RPTOR: variants seen among roughly 807,000 people sequenced by gnomAD.
RPTOR encodes regulatory-associated protein of mTOR.
In RPTOR, 21 loss-of-function variants were observed where a neutral mutation model predicts 169.9. The observed-to-expected ratio is 0.12, with a 90% confidence interval of 0.09 to 0.18. The LOEUF (loss-of-function observed/expected upper bound fraction) is 0.18, where lower values mean the gene tolerates loss of function less well. RPTOR is among the 10% of genes least tolerant of loss of function. The probability of loss-of-function intolerance (pLI) is 1.00; values close to 1 mark genes in which losing one functional copy is unlikely to be tolerated. For synonymous variants in RPTOR, 732 were observed against 753.2 expected (o/e 0.97, Z 0.46); for missense variants, 1,133 against 1,855.9 (o/e 0.61, Z 7.16).
At chr17:80,631,449 A>G (rs1379180131) in intron 2 of RPTOR, among the ~76,000 whole-genome samples, 1 of 152,020 alleles carries the variant, frequency 6.6e-6, no homozygotes, top group Non-Finnish European at 1.5e-5. Flanking sequence ...AGGACACATT[A>G]CCATCTTAGC....
At chr17:80,733,315 G>A (rs2066407429) in intron 5 of RPTOR, among the ~76,000 whole-genome samples, 2 of 152,088 alleles carry the variant, frequency 1.3e-5, no homozygotes, top group South Asian at 2.1e-4. Flanking sequence ...AAAAATTAAG[G>A]ATAATATTCA....
intron 8 of RPTOR, among the ~76,000 whole-genome samples, 196 bp downstream of exon 8, chr17:80,822,497 C>T: frequency 6.6e-6 from 1 of 152,338 alleles, no homozygotes; most frequent in South Asian, 2.1e-4. Context: ...ACGCCAGGTT[C>T]TCAGAACGGT....
chr17:80,880,568 C>T, intron 14 of RPTOR, 79 bp downstream of exon 14: 1 of 1,354,418 alleles, frequency 7.4e-7, no homozygotes, highest in Non-Finnish European at 1.1e-6. Flanking sequence ...TGCGGTGGGG[C>T]CTTTTGACGG....
intron 3 of RPTOR, among the ~76,000 whole-genome samples, chr17:80,684,551 T>G (rs902222859): frequency 1.5e-4 from 23 of 151,870 alleles, no homozygotes; most frequent in African/African-American, 5.3e-4. Flanking sequence ...TTCACGCCAT[T>G]CTCCTGCCTC....
At chr17:80,725,225 G>T (rs2066321248) in intron 4 of RPTOR, among the ~76,000 whole-genome samples, 1 of 152,236 alleles carries the variant, frequency 6.6e-6, no homozygotes, top group Admixed American at 6.5e-5. Flanking sequence ...GGCCATGGCT[G>T]CCTTGGTGGC....
rs1295517368 is a variant in RPTOR, at chr17:80,651,323, A to G, written c.348+7513A>G. ...AGGAAGAGTTGTAAAATCCTGCTCC[A>G]GCCAAATTGGAAAGTGCTGATCAAG... On this transcript the variant is annotated intron_variant, in intron 3 of 33. Coordinates refer to ENST00000306801, the MANE Select transcript of RPTOR (RefSeq NM_020761.3). This position sits in a 1 kb window ranked among gnomAD's most constrained non-coding sequence, Gnocchi z 4.1. Among the ~76,000 whole-genome samples the G allele has an allele frequency of 6.6e-6, 1 of 152,224 alleles. No homozygotes were observed. The highest frequency in any genetic ancestry group is 1.5e-5 in the Non-Finnish European group (1 of 68,032).
chr17:80,841,655 A>C (rs2067661957), intron 10 of RPTOR, among the ~76,000 whole-genome samples: 1 of 118,838 alleles, frequency 8.4e-6, no homozygotes, highest in Non-Finnish European at 1.7e-5. Flanking sequence ...ACGGCAGCTC[A>C]CTCTCACCGC....
intron 1 of RPTOR, among the ~76,000 whole-genome samples, chr17:80,558,670 G>T (rs759998251): frequency 6.6e-6 from 1 of 152,056 alleles, no homozygotes; most frequent in South Asian, 2.1e-4. Flanking sequence ...CCTAAACACC[G>T]TGTCTGTCTC....
At chr17:80,867,693 C>T (rs903938147) in intron 13 of RPTOR, among the ~76,000 whole-genome samples, 21 of 152,044 alleles carry the variant, frequency 1.4e-4, no homozygotes, top group African/African-American at 5.1e-4. Flanking sequence ...GATCAATATA[C>T]AAAAATCAAT....
chr17:80,772,713 T>C (rs910790489), intron 6 of RPTOR, among the ~76,000 whole-genome samples: 3 of 151,932 alleles, frequency 2.0e-5, no homozygotes, highest in African/African-American at 7.3e-5. Flanking sequence ...CATTATTGAG[T>C]TTGTAAGCAA....
intron 1 of RPTOR, among the ~76,000 whole-genome samples, chr17:80,569,729 A>G (rs547335731): frequency 1.3e-5 from 2 of 152,238 alleles, no homozygotes; most frequent in East Asian, 3.9e-4. Context: ...CAAAGCCTAA[A>G]GTATTTATTA....
At chr17:80,734,051 A>C (rs1359521144) in intron 5 of RPTOR, among the ~76,000 whole-genome samples, 1 of 152,208 alleles carries the variant, frequency 6.6e-6, no homozygotes, top group South Asian at 2.1e-4. Context: ...GATTGATTCT[A>C]TAGGAAGACA....
intron 13 of RPTOR, among the ~76,000 whole-genome samples, chr17:80,870,875 G>A (rs1290205932): frequency 6.6e-6 from 1 of 152,178 alleles, no homozygotes; most frequent in Admixed American, 6.5e-5. Flanking sequence ...TGACACAACA[G>A]TCAATGAACT....
chr17:80,795,075 A>G (rs1651837299), intron 7 of RPTOR, among the ~76,000 whole-genome samples: 2 of 152,158 alleles, frequency 1.3e-5, no homozygotes, highest in Non-Finnish European at 1.5e-5. Context: ...GTAGGGGAGG[A>G]AAAAAACACC....
chr17:80,871,169 G>A (rs966058128), intron 13 of RPTOR, among the ~76,000 whole-genome samples: 2 of 152,024 alleles, frequency 1.3e-5, no homozygotes, highest in African/African-American at 4.8e-5. Context: ...GCAGTGGCGC[G>A]ATCTCGGCTC....
chr17:80,845,991 C>T lies in RPTOR; in HGVS notation c.1213-482C>T, dbSNP rs962217883. ...CGCGGCCCCAGCTCATCTCCTTGGTCTCCATAGCAGAGGCTCTGTCCTGGG... is the reference window on the plus strand; with the variant it reads ...CGCGGCCCCAGCTCATCTCCTTGGTTTCCATAGCAGAGGCTCTGTCCTGGG... On this transcript the variant is annotated intron_variant, in intron 10 of 33. Transcript: ENST00000306801. This position sits in a 1 kb window ranked among gnomAD's most constrained non-coding sequence, Gnocchi z 5.4. Among the ~76,000 whole-genome samples, 2 of 152,132 alleles carry T rather than the reference C, an allele frequency of 1.3e-5. No homozygotes were observed. The highest frequency in any genetic ancestry group is 2.9e-5 in the Non-Finnish European group (2 of 68,032).
chr17:80,801,579 C>T (rs1240351411), intron 7 of RPTOR: 5 of 152,138 alleles, frequency 3.3e-5, no homozygotes, highest in South Asian at 4.1e-4. Flanking sequence ...TTCACTTCAT[C>T]GAGGGAAGTC....
At chr17:80,679,082 C>T (rs2065879884) in intron 3 of RPTOR, among the ~76,000 whole-genome samples, 1 of 152,254 alleles carries the variant, frequency 6.6e-6, no homozygotes, top group African/African-American at 2.4e-5. Context: ...CTTTCCTCTG[C>T]ATGAAAGGCA....
chr17:80,575,034 C>T (rs753936323), intron 1 of RPTOR, among the ~76,000 whole-genome samples: 17 of 150,498 alleles, frequency 1.1e-4, no homozygotes, highest in African/African-American at 3.2e-4. Flanking sequence ...TTACCTTTTC[C>T]GCCATTCTTG....
Sources: gnomAD v4.1 joint callset for allele counts (sites outside exome capture counted in the v4.1 genomes callset) on GRCh38, gnomAD v4.1.1 for gene constraint, Gnocchi (gnomAD v3.1) non-coding constraint, MANE v1.5 for transcripts, NCBI Gene and HGNC (gene_info 2026-07-23, HGNC 2026-07-21) for gene names.